The following CTCF variants were observed in gnomAD, a reference collection of about 807,000 sequenced individuals.
The protein encoded by CTCF is CCCTC-binding factor.
A neutral mutation model predicts 72.3 loss-of-function variants in CTCF; 7 were observed. The observed-to-expected ratio is 0.10, with a 90% CI of 0.06 to 0.18. The LOEUF (loss-of-function observed/expected upper bound fraction) is 0.18. CTCF is among the 10% of genes least tolerant of loss of function. The pLI, the probability that CTCF is intolerant of heterozygous loss-of-function variation, is 1.00. For synonymous variants in CTCF, 374 were observed against 315.8 expected (o/e 1.18, Z -1.95); for missense variants, 516 against 949.1 (o/e 0.54, Z 6.00).
Position 67,576,058 on chromosome 16 carries a change from G to A in CTCF, c.-10+4794G>A, listed in dbSNP as rs573242698. 4.6e-4 allele frequency among the ~76,000 whole-genome samples: 69 copies of A among 149,770 alleles called. 1 individual carries two copies. The highest frequency in any genetic ancestry group is 1.7e-3 in the South Asian group (8 of 4,708). On this transcript the variant is annotated intron_variant, in intron 2 of 11. Transcript: ENST00000264010. ...CACCTGTAGTCTCAGCTACTTGGGA[G>A]GCTGAGATGGGAGGATCACCTGAGC... is the stretch of plus-strand genomic sequence containing the variant.
intron 2 of CTCF, among the ~76,000 whole-genome samples, chr16:67,574,216 G>A (rs1001616399): frequency 1.3e-5 from 2 of 152,152 alleles, no homozygotes; most frequent in African/African-American, 4.8e-5. Context: ...TTCCTTCAGA[G>A]CTTCTGACCA....
intron 1 of CTCF, chr16:67,563,755 A>G (rs1277771780): frequency 1.3e-5 from 2 of 152,238 alleles, no homozygotes; most frequent in African/African-American, 4.8e-5. Flanking sequence ...ATTTGGGAGT[A>G]TGGGCTAAGT....
At chr16:67,571,970 T>A (rs184162835) in intron 2 of CTCF, among the ~76,000 whole-genome samples, 47 of 152,260 alleles carry the variant, frequency 3.1e-4, no homozygotes, top group Non-Finnish European at 1.5e-5. Context: ...TTATCTCTTC[T>A]CACGGTACCG....
At chr16:67,616,914 G>A (rs761039698) in intron 5 of CTCF, 36 bp downstream of exon 5, 17 of 1,603,958 alleles carry the variant, frequency 1.1e-5, no homozygotes. Context: ...TCTCTCTTAG[G>A]CAGACCATGA....
intron 2 of CTCF, among the ~76,000 whole-genome samples, chr16:67,581,276 T>G (rs915725812): frequency 1.3e-5 from 2 of 152,038 alleles, no homozygotes; most frequent in Non-Finnish European, 2.9e-5. Flanking sequence ...TGCATCCTCC[T>G]TTGTAACCTT....
At chr16:67,603,853 G>A (rs1567605176) in intron 2 of CTCF, among the ~76,000 whole-genome samples, 1 of 150,852 alleles carries the variant, frequency 6.6e-6, no homozygotes. Flanking sequence ...TAGAGGCCAG[G>A]CACGGTGGTT....
intron 10 of CTCF, among the ~76,000 whole-genome samples, chr16:67,630,887 G>C (rs1050770077): frequency 6.6e-6 from 1 of 152,144 alleles, no homozygotes; most frequent in African/African-American, 2.4e-5. Context: ...CTAGGTTGCT[G>C]GCATCCAGGT....
intron 2 of CTCF, among the ~76,000 whole-genome samples, chr16:67,575,155 C>T (rs1803441118): frequency 6.6e-6 from 1 of 152,050 alleles, no homozygotes; most frequent in South Asian, 2.1e-4. Context: ...AGGCTGAGGC[C>T]GGAGGATCGT....
intron 2 of CTCF, among the ~76,000 whole-genome samples, chr16:67,572,198 A>C (rs899229647): frequency 1.3e-5 from 2 of 152,214 alleles, no homozygotes; most frequent in African/African-American, 2.4e-5. Flanking sequence ...TTATTCTTCA[A>C]ACCTTTATTT....
chr16:67,573,931 T>C (rs1389534544), intron 2 of CTCF, among the ~76,000 whole-genome samples: 1 of 151,798 alleles, frequency 6.6e-6, no homozygotes, highest in Non-Finnish European at 1.5e-5. Flanking sequence ...CTGGGGAGGC[T>C]GAGGCAGGAG....
At chr16:67,622,376 G>T (rs1025305211) in intron 7 of CTCF, among the ~76,000 whole-genome samples, 1 of 151,628 alleles carries the variant, frequency 6.6e-6, no homozygotes, top group Non-Finnish European at 1.5e-5. Context: ...AAGGTAACGA[G>T]TAAAAAGTGA....
intron 9 of CTCF, among the ~76,000 whole-genome samples, chr16:67,629,125 G>T (rs929790953): frequency 1.4e-4 from 20 of 139,906 alleles, no homozygotes; most frequent in Non-Finnish European, 1.2e-4. Flanking sequence ...GCTAGCTGTA[G>T]CCTGTTCTGG....
At chr16:67,569,638 A>G (rs1000478646) in intron 1 of CTCF, among the ~76,000 whole-genome samples, 1 of 151,610 alleles carries the variant, frequency 6.6e-6, no homozygotes, top group African/African-American at 2.4e-5. Flanking sequence ...TTTCATTGCT[A>G]TGCTTCTAGG....
chr16:67,595,262 ATCC>A (rs2051796407), intron 2 of CTCF, among the ~76,000 whole-genome samples: 1 of 146,180 alleles, frequency 6.8e-6, no homozygotes, highest in South Asian at 2.1e-4. Context: ...GGCCCAAGCC[ATCC>A]TCCTGCTTCA....
chr16:67,620,568 A>C, intron 5 of CTCF, 129 bp from the exon 6 acceptor site: 1 of 659,474 alleles, frequency 1.5e-6, no homozygotes. Context: ...AGAGGGAAGA[A>C]GGTTATCTTT....
At chr16:67,605,901 A>G (rs1375390776) in intron 2 of CTCF, among the ~76,000 whole-genome samples, 3 of 152,218 alleles carry the variant, frequency 2.0e-5, no homozygotes, top group Non-Finnish European at 4.4e-5. Flanking sequence ...AGGGCAAGAC[A>G]TAAATCTGAA....
chr16:67,612,948 C>T (rs1194738905), intron 4 of CTCF, among the ~76,000 whole-genome samples: 1 of 152,148 alleles, frequency 6.6e-6, no homozygotes, highest in African/African-American at 2.4e-5. Context: ...AAAAACAAAC[C>T]TTAACATTTT....
intron 1 of CTCF, chr16:67,568,491 C>T (rs763743542): frequency 1.3e-5 from 2 of 151,846 alleles, no homozygotes; most frequent in Non-Finnish European, 2.9e-5. Flanking sequence ...CGGGTTCAAC[C>T]AGTTCTCCTG....
intron 10 of CTCF, among the ~76,000 whole-genome samples, chr16:67,635,933 G>A (rs1330967723): frequency 6.7e-6 from 1 of 149,426 alleles, no homozygotes; most frequent in East Asian, 2.1e-4. Flanking sequence ...GCCTTAAATT[G>A]ATTTTTCTTA....
Sources: allele counts gnomAD v4.1 joint callset (sites outside exome capture counted in the v4.1 genomes callset), GRCh38; gene constraint gnomAD v4.1.1; transcripts MANE v1.5; gene names NCBI Gene and HGNC (gene_info 2026-07-23, HGNC 2026-07-21).